AIG1: variants seen among roughly 807,000 people sequenced by gnomAD.
AIG1 encodes androgen-induced gene 1 protein.
In AIG1, 23 loss-of-function variants were observed where a neutral mutation model predicts 31.4. The observed-to-expected ratio is 0.73, with a 90% CI of 0.53 to 1.04. AIG1 has a LOEUF of 1.04. Ranked by LOEUF, AIG1 falls within the 50% of genes least tolerant of loss-of-function variation. The probability of loss-of-function intolerance (pLI) is 0.00; values close to 1 mark genes in which losing one functional copy is unlikely to be tolerated. For synonymous variants in AIG1, 100 were observed against 110.5 expected, an observed-to-expected ratio of 0.90 and a Z score of 0.60; for missense variants, 274 against 295.0, an observed-to-expected ratio of 0.93 and a Z score of 0.52.
chr6:143,187,890 C>T lies in AIG1; in HGVS notation c.399+22707C>T, dbSNP rs559036420. On this transcript the variant is annotated intron_variant, in intron 3 of 5. Transcript: ENST00000357847. ...TCCGCAGCATTGTCAAAAATTACCC[C>T]TTAATTTGGTGTTGGATGAACATGA... 5 of 1,381,740 alleles carry T rather than the reference C, an allele frequency of 3.6e-6. No individual in the cohort carries two copies. In the South Asian group the frequency reaches 9.0e-5, roughly 25 times the overall value. 85.6% of individuals were successfully genotyped at this position (1,381,740 alleles called of 1,614,324 possible).
chr6:143,228,101 G>C (rs960528120), intron 3 of AIG1, among the ~76,000 whole-genome samples: 2 of 152,090 alleles, frequency 1.3e-5, no homozygotes, highest in Admixed American at 1.3e-4. Context: ...CCTCCCACTC[G>C]GACCTCCCCT....
At chr6:143,159,484 A>G (rs1384726780) in intron 2 of AIG1, among the ~76,000 whole-genome samples, 1 of 152,250 alleles carries the variant, frequency 6.6e-6, no homozygotes, top group Non-Finnish European at 1.5e-5. Context: ...GCAATTTTCT[A>G]TGTGGAGATT....
chr6:143,141,615 C>T (rs538628258), intron 2 of AIG1, among the ~76,000 whole-genome samples: 56 of 152,220 alleles, frequency 3.7e-4, no homozygotes, highest in African/African-American at 1.1e-3. Context: ...TGCTAATGGC[C>T]GGAAACCACC....
intron 1 of AIG1, among the ~76,000 whole-genome samples, chr6:143,103,291 C>T (rs1780471429): frequency 6.6e-6 from 1 of 152,044 alleles, no homozygotes; most frequent in East Asian, 1.9e-4. Context: ...AAAAACTCTA[C>T]CCCTTCCAAT....
chr6:143,145,902 C>T (rs1244472049), intron 2 of AIG1, among the ~76,000 whole-genome samples: 1 of 152,056 alleles, frequency 6.6e-6, no homozygotes, highest in African/African-American at 2.4e-5. Flanking sequence ...ATATTTTTCC[C>T]ATTCATTCTC....
intron 4 of AIG1, among the ~76,000 whole-genome samples, chr6:143,304,162 C>T (rs1040723714): frequency 2.0e-5 from 3 of 152,048 alleles, no homozygotes; most frequent in Non-Finnish European, 2.9e-5. Context: ...ACAATCATGT[C>T]ATCTACAAAC....
chr6:143,106,192 C>T (rs1780787215), intron 1 of AIG1, among the ~76,000 whole-genome samples: 1 of 152,136 alleles, frequency 6.6e-6, no homozygotes, highest in African/African-American at 2.4e-5. Flanking sequence ...CAGGCATGCA[C>T]ACAGGGAGAA....
intron 4 of AIG1, among the ~76,000 whole-genome samples, chr6:143,305,645 C>G (rs1461844377): frequency 3.3e-5 from 5 of 152,128 alleles, no homozygotes; most frequent in East Asian, 1.9e-4. Context: ...TTACTTCCAA[C>G]TATGTGGTCA....
intron 2 of AIG1, among the ~76,000 whole-genome samples, chr6:143,148,255 C>CT (rs1784870221): frequency 1.3e-5 from 2 of 148,472 alleles, no homozygotes; most frequent in Non-Finnish European, 3.0e-5. Context: ...AATCCCAGCA[C>CT]TTTGAGAGGC....
chr6:143,204,464 C>T (rs1203857811), intron 3 of AIG1, among the ~76,000 whole-genome samples: 1 of 152,102 alleles, frequency 6.6e-6, no homozygotes, highest in Non-Finnish European at 1.5e-5. Context: ...TTAGGGTAGT[C>T]TGACTTTTTA....
intron 3 of AIG1, among the ~76,000 whole-genome samples, chr6:143,208,465 A>T (rs1791302549): frequency 6.6e-6 from 1 of 152,226 alleles, no homozygotes; most frequent in African/African-American, 2.4e-5. Flanking sequence ...ACACATATGC[A>T]GCCAACTCTG....
chr6:143,206,824 CT>C (rs1374820089), intron 3 of AIG1, among the ~76,000 whole-genome samples: 1 of 152,118 alleles, frequency 6.6e-6, no homozygotes, highest in Non-Finnish European at 1.5e-5. Flanking sequence ...ATTTCATGGT[CT>C]TTGGTAATAG....
intron 3 of AIG1, among the ~76,000 whole-genome samples, chr6:143,269,125 T>C (rs776925161): frequency 1.3e-5 from 2 of 152,156 alleles, no homozygotes; most frequent in African/African-American, 4.8e-5. Context: ...CCTGGACAGG[T>C]GTTGGTCCTA....
At chr6:143,138,358 A>G (rs1257426859) in intron 2 of AIG1, among the ~76,000 whole-genome samples, 3 of 152,188 alleles carry the variant, frequency 2.0e-5, no homozygotes, top group Admixed American at 6.5e-5. Context: ...TCTAAGAGAA[A>G]ATTTCCATTA....
downstream of AIG1, among the ~76,000 whole-genome samples, chr6:143,341,788 C>T (rs1035610540): frequency 1.3e-5 from 2 of 152,194 alleles, no homozygotes; most frequent in Admixed American, 6.5e-5. Context: ...TGTGTACAAA[C>T]GATGGATGAA....
rs1295152694 is a variant in AIG1 at position 143,297,548 on chromosome 6, G to C, written c.515+13323G>C. On this transcript the variant is annotated intron_variant, in intron 4 of 5. Transcript: ENST00000357847. This position sits in a 1 kb window ranked among gnomAD's most constrained non-coding sequence, Gnocchi z 5.1. The stretch of plus-strand genomic sequence containing the variant: ...TGGATGGTTGGGTGGTTGGATGGCT[G>C]GGTGATTGGATGGTTGGGTGGTTGG... 6.6e-6 allele frequency among the ~76,000 whole-genome samples: 1 copy of C among 151,670 alleles called. No individual in the cohort carries two copies. Among genetic ancestry groups the C allele is most frequent in the Non-Finnish European group, 1.5e-5 (1 of 67,874 alleles).
chr6:143,201,052 G>A (rs548901007), intron 3 of AIG1, among the ~76,000 whole-genome samples: 147 of 152,144 alleles, frequency 9.7e-4, no homozygotes, highest in African/African-American at 3.3e-3. Context: ...CTACCTTGCT[G>A]CTCAAGACAG....
At chr6:143,248,727 C>T (rs1794783980) in intron 3 of AIG1, among the ~76,000 whole-genome samples, 1 of 152,224 alleles carries the variant, frequency 6.6e-6, no homozygotes, top group Non-Finnish European at 1.5e-5. Context: ...GTGCTTCATC[C>T]TCCACTTCCT....
intron 3 of AIG1, among the ~76,000 whole-genome samples, chr6:143,198,559 G>T (rs1014507928): frequency 6.6e-6 from 1 of 152,144 alleles, no homozygotes; most frequent in African/African-American, 2.4e-5. Flanking sequence ...AATAACAGTC[G>T]TTTAAAATCG....
Sources: gnomAD v4.1 joint callset for allele counts (sites outside exome capture counted in the v4.1 genomes callset) on GRCh38, gnomAD v4.1.1 for gene constraint, Gnocchi (gnomAD v3.1) non-coding constraint, MANE v1.5 for transcripts, NCBI Gene and HGNC (gene_info 2026-07-23, HGNC 2026-07-21) for gene names.